MTR: variants seen among roughly 807,000 people sequenced by gnomAD.
MTR encodes the protein 5-methyltetrahydrofolate-homocysteine methyltransferase.
MTR carries 84 observed loss-of-function variants against 154.8 expected under a neutral mutation model. That is an observed-to-expected ratio of 0.54 (90% CI 0.45 to 0.65). The LOEUF (loss-of-function observed/expected upper bound fraction) is 0.65, where lower values mean the gene tolerates loss of function less well. MTR is among the 30% of genes least tolerant of loss of function. MTR has a pLI of 0.00. For missense variants in MTR, 1,275 were observed against 1,570.2 expected, an observed-to-expected ratio of 0.81 and a Z score of 3.18; for synonymous variants, 554 against 553.9, an observed-to-expected ratio of 1.00 and a Z score of 0.00.
rs3738548 is a variant in MTR at position 236,795,531 on chromosome 1, G to T, written c.-173G>T. On this transcript the variant is annotated 5_prime_UTR_variant, in exon 1 of 33. Coordinates refer to ENST00000366577, the MANE Select transcript of MTR (RefSeq NM_000254.3). ...CGAGAGAGGCCCTAGGGCGCTGCGG[G>T]CTTTCGGGGTCCGCAGTCCCCCCGC... 4.7e-4 allele frequency: 718 copies of T among 1,530,536 alleles called. 7 individuals are homozygous for T. In the South Asian group the frequency reaches 7.1e-3, roughly 15 times the overall value. 94.8% of individuals were successfully genotyped at this position (1,530,536 alleles called of 1,614,324 possible). A position where few individuals can be genotyped will look rare whatever the true frequency, so the allele number is the denominator to read the frequency against.
rs1558264385 is a variant in MTR at position 236,795,532 on chromosome 1, C to T, written c.-172C>T. On this transcript the variant is annotated 5_prime_UTR_variant, in exon 1 of 33. Coordinates refer to ENST00000366577, the MANE Select transcript of MTR (RefSeq NM_000254.3). ...GAGAGAGGCCCTAGGGCGCTGCGGG[C>T]TTTCGGGGTCCGCAGTCCCCCCGCG... The T allele has an allele frequency of 6.5e-7, 1 of 1,530,838 alleles. No homozygotes were observed. The highest frequency in any genetic ancestry group is 1.4e-5 in the African/African-American group (1 of 72,934). 94.8% of individuals were successfully genotyped at this position (1,530,838 alleles called of 1,614,324 possible). A position where few individuals can be genotyped will look rare whatever the true frequency, so the allele number is the denominator to read the frequency against.
chr1:236,796,590 A>G (rs1229379066), intron 1 of MTR, among the ~76,000 whole-genome samples: 1 of 151,762 alleles, frequency 6.6e-6, no homozygotes, highest in Non-Finnish European at 1.5e-5. Context: ...AATTTATCAG[A>G]GGTTAACCGG....
chr1:236,844,028 G>C (rs1663415138), intron 15 of MTR, among the ~76,000 whole-genome samples: 1 of 152,132 alleles, frequency 6.6e-6, no homozygotes, highest in Non-Finnish European at 1.5e-5. Context: ...AATGACTGTA[G>C]AGAAGTCCTA....
At chr1:236,823,439 C>T (rs568713703) in intron 8 of MTR, among the ~76,000 whole-genome samples, 2 of 152,170 alleles carry the variant, frequency 1.3e-5, no homozygotes, top group Non-Finnish European at 2.9e-5. Context: ...AACTAAACTG[C>T]AGACTTTATT....
chr1:236,886,148 A>G, intron 26 of MTR, 144 bp from the exon 27 acceptor site: 1 of 717,402 alleles, frequency 1.4e-6, no homozygotes, highest in Middle Eastern at 3.7e-4. Flanking sequence ...GTAGAAAAGG[A>G]AGAGCTTTTT....
rs746515603 is a variant in MTR, at chr1:236,889,146, G to C, written c.2852-35G>C. The C allele has an allele frequency of 2.0e-5, 33 of 1,613,654 alleles. 1 individual carries two copies. In the South Asian group the frequency reaches 3.6e-4, roughly 18 times the overall value. ...GAGGCCTCCATCAGGCAGGGTGCCA[G>C]CGTCAGCATTGACAACCATACTTCT... On this transcript the variant is annotated intron_variant, in intron 27 of 32. Coordinates refer to ENST00000366577, the MANE Select transcript of MTR (RefSeq NM_000254.3).
At chr1:236,867,401 T>A (rs1044725081) in intron 22 of MTR, among the ~76,000 whole-genome samples, 12 of 152,194 alleles carry the variant, frequency 7.9e-5, no homozygotes, top group African/African-American at 2.9e-4. Flanking sequence ...TAAAAAAGAT[T>A]CCTTTCAAAA....
Position 236,795,695 on chromosome 1 carries a change from C to G in MTR, c.-9C>G. 6.2e-7 allele frequency: 1 copy of G among 1,614,134 alleles called. No individual in the cohort carries two copies. Among genetic ancestry groups the G allele is most frequent in the South Asian group, 1.1e-5 (1 of 91,092 alleles). On this transcript the variant is annotated 5_prime_UTR_variant, in exon 1 of 33. Coordinates refer to ENST00000366577, the MANE Select transcript of MTR (RefSeq NM_000254.3). ...CCGCGCCCTCTGCGCAAGGAGGAGA[C>G]TCGACAACATGTCACCCGCGCTCCA...
chr1:236,884,686 G>C (rs1403795194), intron 25 of MTR, among the ~76,000 whole-genome samples: 1 of 152,088 alleles, frequency 6.6e-6, no homozygotes, highest in Non-Finnish European at 1.5e-5. Flanking sequence ...TTTTTATTGG[G>C]GGTTGGTCAC....
At chr1:236,841,195 T>G (rs1663212787) in intron 15 of MTR, among the ~76,000 whole-genome samples, 1 of 152,200 alleles carries the variant, frequency 6.6e-6, no homozygotes, top group African/African-American at 2.4e-5. Context: ...TTTTTTAGCT[T>G]TTCACCATCC....
In MTR at chr1:236,900,178, GA is replaced by G; in HGVS notation, c.*2538del. ...AAGTGAAATGTATGTCTGTCTACAG[GA>G]AAATAGGTGAATAATTAGATATATA... is the stretch of plus-strand genomic sequence containing the variant. On this transcript the variant is annotated 3_prime_UTR_variant, in exon 33 of 33. Transcript: ENST00000366577. 3 of 406,876 alleles carry G rather than the reference GA, an allele frequency of 7.4e-6. No homozygotes were observed. The highest frequency in any genetic ancestry group is 2.8e-5 in the Admixed American group (1 of 35,620). The allele number at this position is 406,876 out of a possible 1,614,324, so 25.2% of individuals were successfully genotyped here.
chr1:236,830,300 G>T (rs893322925), intron 12 of MTR, among the ~76,000 whole-genome samples: 7 of 151,920 alleles, frequency 4.6e-5, no homozygotes, highest in Non-Finnish European at 4.4e-5. Context: ...GGTGTGGCAG[G>T]AAAATTTATT....
intron 31 of MTR, 34 bp downstream of exon 31, chr1:236,895,584 C>T (rs754420819): frequency 4.5e-6 from 7 of 1,549,466 alleles, no homozygotes; most frequent in South Asian, 2.4e-5. Context: ...TCCTGTCTTC[C>T]TTCTTCAGTA....
chr1:236,848,874 C>T (rs74682004), intron 15 of MTR, among the ~76,000 whole-genome samples: 2,921 of 152,222 alleles, frequency 0.019, 113 homozygotes, highest in African/African-American at 0.067. Flanking sequence ...TCATAATTCC[C>T]CTACTCCTCA....
At chr1:236,822,903 G>A (rs557204208) in intron 8 of MTR, among the ~76,000 whole-genome samples, 9 of 152,216 alleles carry the variant, frequency 5.9e-5, no homozygotes, top group African/African-American at 1.9e-4. Context: ...TCCTTGCCTT[G>A]TTCCTCATCT....
intron 8 of MTR, chr1:236,820,001 T>A: frequency 9.0e-7 from 1 of 1,111,970 alleles, no homozygotes; most frequent in Non-Finnish European, 1.4e-6. Context: ...CATGGCTTCT[T>A]GTGGTTACTG....
chr1:236,820,611 G>C (rs570512607), intron 8 of MTR: 2 of 548,282 alleles, frequency 3.6e-6, no homozygotes, highest in South Asian at 2.2e-5. Flanking sequence ...AAAAGTTTCC[G>C]TAAACATTCA....
Position 236,880,690 on chromosome 1 carries a change from A to G in MTR, c.2595-65A>G, listed in dbSNP as rs1404661820. On this transcript the variant is annotated intron_variant, in intron 24 of 32. Coordinates refer to ENST00000366577, the MANE Select transcript of MTR (RefSeq NM_000254.3). ...AAATACATTATCTCTAATGGCGCTG[A>G]ACAAGAGTTGTATAGGAACTGTCAG... 8.5e-6 allele frequency: 11 copies of G among 1,298,196 alleles called. No homozygotes were observed. The East Asian group carries it at 9.2e-5, about 11-fold the overall frequency. The allele number at this position is 1,298,196 out of a possible 1,614,324, so 80.4% of individuals were successfully genotyped here.
chr1:236,848,932 T>C (rs1663741772), intron 15 of MTR, among the ~76,000 whole-genome samples: 1 of 152,198 alleles, frequency 6.6e-6, no homozygotes, highest in Admixed American at 6.5e-5. Flanking sequence ...TATGTCCGTG[T>C]CCCTACCCCC....
Sources: gnomAD v4.1 joint callset for allele counts (sites outside exome capture counted in the v4.1 genomes callset) on GRCh38, gnomAD v4.1.1 for gene constraint, MANE v1.5 for transcripts, NCBI Gene and HGNC (gene_info 2026-07-23, HGNC 2026-07-21) for gene names.